The following PELI2 variants were observed in gnomAD, a reference collection of about 807,000 sequenced individuals.
PELI2 encodes the protein pellino E3 ubiquitin protein ligase family member 2.
A neutral mutation model predicts 42.3 loss-of-function variants in PELI2; 23 were observed. The ratio of observed to expected loss-of-function variants is 0.54; its 90% CI spans 0.39 to 0.77. The LOEUF (loss-of-function observed/expected upper bound fraction) is 0.77. Among genes scored for constraint, PELI2 ranks in the 30% least tolerant of loss-of-function variants. The pLI, the probability that PELI2 is intolerant of heterozygous loss-of-function variation, is 0.00. For synonymous variants in PELI2, 245 were observed against 212.2 expected, an observed-to-expected ratio of 1.15 and a Z score of -1.34; for missense variants, 463 against 553.2, an observed-to-expected ratio of 0.84 and a Z score of 1.64.
chr14:56,283,356 T>C (rs1889541570), intron 3 of PELI2, among the ~76,000 whole-genome samples: 1 of 152,172 alleles, frequency 6.6e-6, no homozygotes, highest in Non-Finnish European at 1.5e-5. Context: ...TTCACAGCAA[T>C]GAAAAATACA....
chr14:56,160,992 G>A (rs531191988), intron 1 of PELI2, among the ~76,000 whole-genome samples: 32 of 152,220 alleles, frequency 2.1e-4, no homozygotes, highest in Admixed American at 1.2e-3. Context: ...CTGTTTTAAG[G>A]TTCCCTGTAG....
chr14:56,250,504 T>G (rs1391495690), intron 2 of PELI2, among the ~76,000 whole-genome samples: 1 of 152,142 alleles, frequency 6.6e-6, no homozygotes, highest in African/African-American at 2.4e-5. Flanking sequence ...AAGCCGACAG[T>G]GCAGCCTTCA....
Position 56,273,338 on chromosome 14 carries a change from C to A in PELI2, c.208-6338C>A, listed in dbSNP as rs1343837982. On this transcript the variant is annotated intron_variant, in intron 2 of 5. Coordinates refer to ENST00000267460, the MANE Select transcript of PELI2 (RefSeq NM_021255.3). The surrounding 1 kb of genome is among the most constrained non-coding windows in gnomAD (Gnocchi z 4.3). ...GGCAAATGGAAGCTGCAAGCCTTTCCTGACCTAGTATCAGAAGTCCCATGT... is the reference window on the plus strand; with the variant it reads ...GGCAAATGGAAGCTGCAAGCCTTTCATGACCTAGTATCAGAAGTCCCATGT... Among the ~76,000 whole-genome samples the A allele has an allele frequency of 1.3e-5, 2 of 152,220 alleles. No homozygotes were observed. The highest frequency in any genetic ancestry group is 2.9e-5 in the Non-Finnish European group (2 of 68,046).
chr14:56,172,899 C>T lies in PELI2; in HGVS notation c.78-5436C>T, dbSNP rs918713168. ...ACTGTTGAAATTCTTTGGTCTTTGG[C>T]GATATAACTTTTTCCTGGTCCTGGT... On this transcript the variant is annotated intron_variant, in intron 1 of 5. Transcript: ENST00000267460. 5.3e-5 allele frequency among the ~76,000 whole-genome samples: 8 copies of T among 152,222 alleles called. No homozygotes were observed. The South Asian group carries it at 6.2e-4, about 12-fold the overall frequency.
chr14:56,289,672 G>A (rs927429726), intron 4 of PELI2, among the ~76,000 whole-genome samples: 1 of 151,728 alleles, frequency 6.6e-6, no homozygotes, highest in Admixed American at 6.6e-5. Context: ...GAAAGCTGAA[G>A]GGAAGAGCTG....
intron 1 of PELI2, among the ~76,000 whole-genome samples, chr14:56,153,348 C>G (rs1884431788): frequency 6.6e-6 from 1 of 152,148 alleles, no homozygotes; most frequent in African/African-American, 2.4e-5. Context: ...GGTTCCTGCT[C>G]TTAATTGTCA....
At chr14:56,295,822 A>G (rs1486317955) in intron 5 of PELI2, among the ~76,000 whole-genome samples, 8 of 152,116 alleles carry the variant, frequency 5.3e-5, no homozygotes, top group African/African-American at 1.9e-4. Context: ...ACTGGCCTTC[A>G]TGCACTCTGA....
chr14:56,286,645 G>C (rs897398302), intron 3 of PELI2, among the ~76,000 whole-genome samples: 1 of 152,170 alleles, frequency 6.6e-6, no homozygotes, highest in African/African-American at 2.4e-5. Flanking sequence ...AAATAATGTA[G>C]AGTTGATCCA....
intron 2 of PELI2, among the ~76,000 whole-genome samples, chr14:56,240,019 C>T (rs908414866): frequency 6.6e-6 from 1 of 152,176 alleles, no homozygotes; most frequent in Non-Finnish European, 1.5e-5. Flanking sequence ...CCAACAATGG[C>T]AACAAGTCAC....
chr14:56,273,555 T>C lies in PELI2; in HGVS notation c.208-6121T>C, dbSNP rs1433910519. Among the ~76,000 whole-genome samples, 2 of 152,238 alleles carry C rather than the reference T, an allele frequency of 1.3e-5. No individual in the cohort carries two copies. Among genetic ancestry groups the C allele is most frequent in the Non-Finnish European group, 2.9e-5 (2 of 68,042 alleles). On this transcript the variant is annotated intron_variant, in intron 2 of 5. Coordinates refer to ENST00000267460, the MANE Select transcript of PELI2 (RefSeq NM_021255.3). The surrounding 1 kb of genome is among the most constrained non-coding windows in gnomAD (Gnocchi z 4.3). ...CTGGCTGCCCAACAGCTACTTTGTA[T>C]TTGAGGAGAAAAAGTGAAATGTTAC...
intron 5 of PELI2, among the ~76,000 whole-genome samples, chr14:56,295,966 A>T (rs1889985835): frequency 6.6e-6 from 1 of 152,246 alleles, no homozygotes; most frequent in African/African-American, 2.4e-5. Flanking sequence ...GTTCTTGCTG[A>T]CCACGCCTAG....
At chr14:56,176,456 C>G (rs1395095449) in intron 1 of PELI2, among the ~76,000 whole-genome samples, 1 of 152,102 alleles carries the variant, frequency 6.6e-6, no homozygotes, top group Non-Finnish European at 1.5e-5. Flanking sequence ...GCGGGAGAAC[C>G]ACAACTGCAT....
At chr14:56,127,192 A>C (rs947803909) in intron 1 of PELI2, among the ~76,000 whole-genome samples, 1 of 152,234 alleles carries the variant, frequency 6.6e-6, no homozygotes, top group African/African-American at 2.4e-5. Flanking sequence ...AGAATAGCCT[A>C]GCTTACTGAG....
At position 56,180,742 on chromosome 14, in the gene PELI2, G is replaced by T. The variant is rs115453195; in HGVS notation, c.207+2278G>T. Reference sequence around the variant, plus strand: ...TTGGCGCCCCCCATCTACCTCTTCCGCCCCTTACTCCTGCTCCCTCTCAAA... The same window carrying T: ...TTGGCGCCCCCCATCTACCTCTTCCTCCCCTTACTCCTGCTCCCTCTCAAA... On this transcript the variant is annotated intron_variant, in intron 2 of 5. Transcript: ENST00000267460. This position sits in a 1 kb window ranked among gnomAD's most constrained non-coding sequence, Gnocchi z 4.4. Among the ~76,000 whole-genome samples the T allele has an allele frequency of 2.1e-3, 315 of 151,290 alleles. No homozygotes were observed. The highest frequency in any genetic ancestry group is 7.3e-3 in the African/African-American group (300 of 41,180).
chr14:56,272,084 C>A (rs928579901), intron 2 of PELI2, among the ~76,000 whole-genome samples: 2 of 152,168 alleles, frequency 1.3e-5, no homozygotes, highest in Non-Finnish European at 2.9e-5. Context: ...GCAGAAACAA[C>A]CCTAATTATA....
intron 1 of PELI2, among the ~76,000 whole-genome samples, chr14:56,175,783 C>G (rs1439039131): frequency 6.6e-6 from 1 of 152,076 alleles, no homozygotes; most frequent in Non-Finnish European, 1.5e-5. Context: ...GGTTGTAACT[C>G]GTGGAAATCA....
chr14:56,164,255 A>T (rs1165849598), intron 1 of PELI2, among the ~76,000 whole-genome samples: 1 of 151,978 alleles, frequency 6.6e-6, no homozygotes, highest in African/African-American at 2.4e-5. Flanking sequence ...TCATGAAGGG[A>T]TGTTGAATTT....
chr14:56,198,865 T>A (rs1443307595), intron 2 of PELI2, among the ~76,000 whole-genome samples: 3 of 152,186 alleles, frequency 2.0e-5, no homozygotes, highest in African/African-American at 7.2e-5. Flanking sequence ...TTATATTTTG[T>A]TAGAAAATCT....
At chr14:56,169,874 T>C (rs1462246511) in intron 1 of PELI2, among the ~76,000 whole-genome samples, 1 of 152,198 alleles carries the variant, frequency 6.6e-6, no homozygotes, top group Non-Finnish European at 1.5e-5. Context: ...CATGCATATA[T>C]GATAGGTTAA....
Sources: gnomAD v4.1 joint callset for allele counts (sites outside exome capture counted in the v4.1 genomes callset) on GRCh38, gnomAD v4.1.1 for gene constraint, Gnocchi (gnomAD v3.1) non-coding constraint, MANE v1.5 for transcripts, NCBI Gene and HGNC (gene_info 2026-07-23, HGNC 2026-07-21) for gene names.